Variants in BACH1 observed in about 807,000 individuals in gnomAD.
The protein encoded by BACH1 is BTB domain and CNC homolog 1, also known as transcription regulator protein BACH1.
BACH1 carries 35 observed loss-of-function variants against 52.9 expected under a neutral mutation model. The ratio of observed to expected loss-of-function variants is 0.66; its 90% CI spans 0.51 to 0.88. The LOEUF is 0.88. Ranked by LOEUF, BACH1 falls within the 40% of genes least tolerant of loss-of-function variation. The probability of loss-of-function intolerance (pLI) is 0.00; values close to 1 mark genes in which losing one functional copy is unlikely to be tolerated. For missense variants in BACH1, 808 were observed against 872.6 expected, an observed-to-expected ratio of 0.93 and a Z score of 0.93; for synonymous variants, 321 against 319.6, an observed-to-expected ratio of 1.00 and a Z score of -0.05.
chr21:29,328,031 C>T (rs1337879831), intron 3 of BACH1, among the ~76,000 whole-genome samples: 3 of 152,280 alleles, frequency 2.0e-5, no homozygotes, highest in East Asian at 3.9e-4. Context: ...TTTGATAACT[C>T]CTGGAAAAAT....
At chr21:29,313,105 TC>T (rs1363953957) in intron 1 of BACH1, among the ~76,000 whole-genome samples, 7 of 152,154 alleles carry the variant, frequency 4.6e-5, no homozygotes, top group Non-Finnish European at 1.0e-4. Flanking sequence ...AGCACGGCTG[TC>T]CAACCTTTTG....
At chr21:29,352,021 AAG>A (rs764213729) in intron 2 of BACH1, among the ~76,000 whole-genome samples, 1 of 152,138 alleles carries the variant, frequency 6.6e-6, no homozygotes, top group Non-Finnish European at 1.5e-5. Context: ...GAGGAATAGA[AAG>A]AACATAAACC....
chr21:29,316,289 C>G (rs879763348), intron 1 of BACH1, among the ~76,000 whole-genome samples: 2 of 152,118 alleles, frequency 1.3e-5, no homozygotes, highest in Non-Finnish European at 2.9e-5. Flanking sequence ...GTAACTATAT[C>G]AAAACTTAAA....
intron 2 of BACH1, 86 bp from the exon 3 acceptor site, chr21:29,325,973 C>A: frequency 8.2e-7 from 1 of 1,216,570 alleles, no homozygotes; most frequent in Non-Finnish European, 1.1e-6. Flanking sequence ...AGTTACATAT[C>A]TCTCTATTCC....
At chr21:29,305,903 A>G (rs913037878) in intron 1 of BACH1, among the ~76,000 whole-genome samples, 2 of 152,266 alleles carry the variant, frequency 1.3e-5, no homozygotes, top group African/African-American at 2.4e-5. Flanking sequence ...AGATATTGGC[A>G]ATAATGAACT....
At chr21:29,312,179 G>A (rs1421419278) in intron 1 of BACH1, among the ~76,000 whole-genome samples, 3 of 152,124 alleles carry the variant, frequency 2.0e-5, no homozygotes, top group African/African-American at 4.8e-5. Context: ...TAGACAAACC[G>A]TGGAAGAGGC....
At chr21:29,302,965 C>T (rs55755386) in intron 1 of BACH1, among the ~76,000 whole-genome samples, 6 of 152,206 alleles carry the variant, frequency 3.9e-5, no homozygotes, top group Admixed American at 2.6e-4. Flanking sequence ...CTGGCTTTTA[C>T]GAAATAAAAA....
At chr21:29,357,304 A>G (rs1422490021) in intron 2 of BACH1, among the ~76,000 whole-genome samples, 4 of 152,112 alleles carry the variant, frequency 2.6e-5, no homozygotes, top group African/African-American at 7.2e-5. Context: ...CCGTCGGTAT[A>G]TAGGTTAAGG....
At chr21:29,361,675 C>CTT (rs1260114818) in intron 2 of BACH1, 1 of 152,126 alleles carries the variant, frequency 6.6e-6, no homozygotes, top group African/African-American at 2.4e-5. Flanking sequence ...AAATTAATGT[C>CTT]TTCATTAAGT....
chr21:29,339,010 C>T (rs1271420166), intron 4 of BACH1, among the ~76,000 whole-genome samples: 1 of 152,112 alleles, frequency 6.6e-6, no homozygotes, highest in Non-Finnish European at 1.5e-5. Context: ...TTTCCAGCTC[C>T]ATAGTACTCA....
At position 29,327,247 on chromosome 21, in the gene BACH1, A is replaced by C. The variant is rs530151866; in HGVS notation, c.1423A>C (p.Asn475His). 29 of 1,614,182 alleles carry C rather than the reference A, an allele frequency of 1.8e-5. No homozygotes were observed. In the African/African-American group the frequency reaches 3.9e-4, roughly 22 times the overall value. ...TCTGAGTACTGAAGGCTGTTCAAGC[A>C]ATTTGGAAATTGGAAACGATGATTA... ...STLSTEGCSSNLEIGNDDYVS... is the reference protein window; with the variant it reads ...STLSTEGCSSHLEIGNDDYVS... The change falls in exon 3 of 5, where the codon AAT (asparagine) becomes CAT (histidine). Residue 475 changes from asparagine to histidine, a missense_variant. Transcript: ENST00000286800.
chr21:29,335,024 T>A (rs1201440007), intron 4 of BACH1, among the ~76,000 whole-genome samples: 1 of 152,212 alleles, frequency 6.6e-6, no homozygotes, highest in Non-Finnish European at 1.5e-5. Flanking sequence ...TGGACATTTC[T>A]TAGTCTATAC....
rs1033005135 is a variant in BACH1 at position 29,345,910 on chromosome 21, G to T, written c.*3077G>T. On this transcript the variant is annotated 3_prime_UTR_variant, in exon 5 of 5. Transcript: ENST00000286800. ...TGGCATACTGATTATAAAAGAAGCA[G>T]AAAAACATTGATTTTTTTATATCTT... The T allele has an allele frequency of 5.2e-5, 8 of 152,646 alleles. No individual in the cohort carries two copies. Among genetic ancestry groups the T allele is most frequent in the African/African-American group, 1.9e-4 (8 of 41,552 alleles). The allele number at this position is 152,646 out of a possible 1,614,324, so 9.5% of individuals were successfully genotyped here. A position where few individuals can be genotyped will look rare whatever the true frequency, so the allele number is the denominator to read the frequency against.
At chr21:29,355,043 C>T (rs775238616) in intron 2 of BACH1, among the ~76,000 whole-genome samples, 2 of 152,180 alleles carry the variant, frequency 1.3e-5, no homozygotes, top group Non-Finnish European at 2.9e-5. Flanking sequence ...AAAAAGCTTC[C>T]ACAGCATGGA....
downstream of BACH1, among the ~76,000 whole-genome samples, chr21:29,347,124 C>T (rs2089174055): frequency 6.6e-6 from 1 of 152,174 alleles, no homozygotes; most frequent in Non-Finnish European, 1.5e-5. Flanking sequence ...AGCACCCTTT[C>T]CCTGGCCAGA....
chr21:29,358,770 A>AAAAGAAAAGAAAAGAAAG (rs1409780180), intron 2 of BACH1, among the ~76,000 whole-genome samples: 20 of 108,974 alleles, frequency 1.8e-4, no homozygotes, highest in African/African-American at 3.0e-4. Context: ...AAAAGAAAAG[A>AAAAGAAAAGAAAAGAAAG]AAAGAAAGAA....
In BACH1 at chr21:29,321,310, C is replaced by T; in HGVS notation, c.30C>T (p.Ala10=). 6.2e-7 allele frequency: 1 copy of T among 1,614,040 alleles called. No homozygotes were observed. The highest frequency in any genetic ancestry group is 8.5e-7 in the Non-Finnish European group (1 of 1,179,954). The change falls in exon 2 of 5, where the codon GCC becomes GCT. Residue 10 remains alanine (A), a synonymous_variant. Transcript: ENST00000286800. The part of the protein sequence containing the change: MSLSENSVF[A]YESSVHSTNV... ...CTCTGAGTGAGAACTCGGTTTTTGC[C>T]TATGAATCTTCTGTGCATAGCACCA...
chr21:29,361,771 ATAACT>A (rs1475393767), intron 2 of BACH1: 1 of 152,256 alleles, frequency 6.6e-6, no homozygotes, highest in Non-Finnish European at 1.5e-5. Flanking sequence ...CTCCATTTAC[ATAACT>A]TTACTATGGA....
chr21:29,323,899 G>T (rs570774026), intron 2 of BACH1, among the ~76,000 whole-genome samples: 1 of 152,242 alleles, frequency 6.6e-6, no homozygotes, highest in African/African-American at 2.4e-5. Context: ...GCATGTGTGT[G>T]TGCGGGTTAA....
Sources: allele counts gnomAD v4.1 joint callset (sites outside exome capture counted in the v4.1 genomes callset), GRCh38; gene constraint gnomAD v4.1.1; transcripts MANE v1.5; gene names NCBI Gene and HGNC (gene_info 2026-07-23, HGNC 2026-07-21).